DOCK10: variants seen among roughly 807,000 people sequenced by gnomAD.
The protein encoded by DOCK10 is dedicator of cytokinesis protein 10.
In DOCK10, 145 loss-of-function variants were observed where a neutral mutation model predicts 280.1. The observed-to-expected ratio is 0.52, with a 90% confidence interval of 0.45 to 0.59. The LOEUF (loss-of-function observed/expected upper bound fraction) is 0.59, where lower values mean the gene tolerates loss of function less well. DOCK10 is among the 20% of genes least tolerant of loss of function. The pLI is 0.00. For missense variants in DOCK10, 2,368 were observed against 2,651.7 expected (o/e 0.89, Z 2.35); for synonymous variants, 915 against 942.2 (o/e 0.97, Z 0.53).
At chr2:225,039,686 T>TTCTCTCTCTCTC (rs5839087) in intron 1 of DOCK10, among the ~76,000 whole-genome samples, 3 of 150,082 alleles carry the variant, frequency 2.0e-5, no homozygotes, top group African/African-American at 7.4e-5. Context: ...GCTTCCTGTC[T>TTCTCTCTCTCTC]TCTCTCTCTC....
chr2:224,801,175 T>A (rs1479401831), intron 40 of DOCK10, among the ~76,000 whole-genome samples: 1 of 151,482 alleles, frequency 6.6e-6, no homozygotes, highest in Non-Finnish European at 1.5e-5. Context: ...TCTCAGTTGA[T>A]TCTCTCCTGG....
At chr2:224,977,575 TA>T (rs565061495) in intron 1 of DOCK10, among the ~76,000 whole-genome samples, 203 of 151,730 alleles carry the variant, frequency 1.3e-3, no homozygotes, top group African/African-American at 4.2e-3. Flanking sequence ...ATAAAGGAAG[TA>T]AAAAAAAATT....
At chr2:224,794,582 A>G (rs1692419228) in intron 45 of DOCK10, among the ~76,000 whole-genome samples, 1 of 152,222 alleles carries the variant, frequency 6.6e-6, no homozygotes, top group Admixed American at 6.5e-5. Context: ...CTCAATTCCC[A>G]GACACCCTTA....
rs750161040 is a variant in DOCK10 at position 224,960,657 on chromosome 2, TA to T, written c.124-28990del. ...CTAACATAATCATCCACCTAAGTGA[TA>T]AAACTGGAAACTTGGTACTCATTTT... On this transcript the variant is annotated intron_variant, in intron 1 of 55. Coordinates refer to ENST00000258390, the MANE Select transcript of DOCK10 (RefSeq NM_014689.3). 6.7e-5 allele frequency among the ~76,000 whole-genome samples: 10 copies of T among 149,220 alleles called. No homozygotes were observed. In the East Asian group the frequency reaches 1.6e-3, roughly 24 times the overall value.
chr2:224,811,864 T>C (rs1234595833), intron 31 of DOCK10, among the ~76,000 whole-genome samples: 2 of 151,942 alleles, frequency 1.3e-5, no homozygotes, highest in African/African-American at 2.4e-5. Flanking sequence ...TTGGTACCAG[T>C]ACCATGCTGT....
At chr2:224,989,090 G>T (rs1706059118) in intron 1 of DOCK10, among the ~76,000 whole-genome samples, 1 of 152,200 alleles carries the variant, frequency 6.6e-6, no homozygotes, top group African/African-American at 2.4e-5. Flanking sequence ...ACTCACTCTT[G>T]AATTCATTGG....
In DOCK10 at chr2:224,853,165, C is replaced by G. The variant is rs1024360566; in HGVS notation, c.1889-43G>C. 3 of 1,473,650 alleles carry G rather than the reference C, an allele frequency of 2.0e-6. No homozygotes were observed. In the East Asian group the frequency reaches 6.8e-5, roughly 34 times the overall value. The allele number at this position is 1,473,650 out of a possible 1,614,324, so 91.3% of individuals were successfully genotyped here. On this transcript the variant is annotated intron_variant, in intron 16 of 55. Coordinates refer to ENST00000258390, the MANE Select transcript of DOCK10 (RefSeq NM_014689.3). ...TAAGAGTTTGTCATTTAATATGGTT[C>G]TTTTAAAGTGAACAATAGTTAACAT...
Position 224,805,003 on chromosome 2 carries a change from G to T in DOCK10, c.4118+55C>A. 1 of 1,454,252 alleles carries T rather than the reference G, an allele frequency of 6.9e-7. No homozygotes were observed. Among genetic ancestry groups the T allele is most frequent in the South Asian group, 1.3e-5 (1 of 77,974 alleles). The allele number at this position is 1,454,252 out of a possible 1,614,324, so 90.1% of individuals were successfully genotyped here. On this transcript the variant is annotated intron_variant, in intron 37 of 55. Transcript: ENST00000258390. This position sits in a 1 kb window ranked among gnomAD's most constrained non-coding sequence, Gnocchi z 4.3. ...TTCTTGAAATGAAACATGGTATAGT[G>T]GACTATTTAGAAATTTCCAGAAAAA...
At chr2:224,827,050 G>T (rs979541066) in intron 27 of DOCK10, among the ~76,000 whole-genome samples, 1 of 151,924 alleles carries the variant, frequency 6.6e-6, no homozygotes, top group Non-Finnish European at 1.5e-5. Context: ...ATCACCTAAG[G>T]TCAGGAGTTG....
intron 1 of DOCK10, among the ~76,000 whole-genome samples, chr2:225,037,905 T>TA (rs781577088): frequency 3.3e-5 from 5 of 152,144 alleles, no homozygotes; most frequent in Non-Finnish European, 7.4e-5. Flanking sequence ...CCTTGAGAAA[T>TA]AAAAAACATT....
At chr2:224,826,533 G>GA (rs112128765) in intron 27 of DOCK10, among the ~76,000 whole-genome samples, 12,864 of 147,524 alleles carry the variant, frequency 0.087, 702 homozygotes, top group African/African-American at 0.15. Flanking sequence ...AATTTAAAAA[G>GA]AAAAAAAAAA....
intron 47 of DOCK10, among the ~76,000 whole-genome samples, chr2:224,790,061 G>T (rs1221400867): frequency 6.6e-6 from 1 of 152,176 alleles, no homozygotes; most frequent in African/African-American, 2.4e-5. Flanking sequence ...GATTACAGGC[G>T]TGAGCCACTG....
At chr2:224,958,091 A>G (rs1214272261) in intron 1 of DOCK10, among the ~76,000 whole-genome samples, 1 of 152,240 alleles carries the variant, frequency 6.6e-6, no homozygotes, top group South Asian at 2.1e-4. Flanking sequence ...TATCTGCAAA[A>G]TAAAGATAAC....
chr2:225,018,487 CATATATATATAATATATATGTAATATT>C (rs1559965652), intron 1 of DOCK10, among the ~76,000 whole-genome samples: 3 of 136,686 alleles, frequency 2.2e-5, no homozygotes, highest in African/African-American at 8.7e-5. Flanking sequence ...ACCATGTAAA[CATATATATATAATATATATGTAATATT>C]ATATATATAT....
At chr2:224,811,063 G>A (rs1174135945) in intron 31 of DOCK10, among the ~76,000 whole-genome samples, 3 of 152,104 alleles carry the variant, frequency 2.0e-5, no homozygotes, top group Non-Finnish European at 2.9e-5. Context: ...TCGCCACACT[G>A]ACTTCCACAA....
intron 1 of DOCK10, among the ~76,000 whole-genome samples, chr2:224,996,865 T>C (rs574343891): frequency 6.6e-5 from 10 of 152,232 alleles, no homozygotes; most frequent in African/African-American, 2.4e-4. Context: ...CTAGCATGTA[T>C]AGGGGTGCAG....
chr2:224,849,740 T>G (rs1696603629), intron 18 of DOCK10, 141 bp from the exon 19 acceptor site: 1 of 624,442 alleles, frequency 1.6e-6, no homozygotes, highest in Non-Finnish European at 2.9e-6. Flanking sequence ...TGGCATCTAA[T>G]TAACCTTGAA....
intron 1 of DOCK10, among the ~76,000 whole-genome samples, chr2:224,977,538 T>C (rs994403952): frequency 2.6e-5 from 4 of 152,184 alleles, no homozygotes; most frequent in Admixed American, 6.5e-5. Flanking sequence ...ATTGAATTAG[T>C]GTCTGAGAAC....
At chr2:224,769,859 G>A (rs1391390702) in intron 55 of DOCK10, among the ~76,000 whole-genome samples, 2 of 152,142 alleles carry the variant, frequency 1.3e-5, no homozygotes, top group Non-Finnish European at 2.9e-5. Flanking sequence ...TGGCCTCAGG[G>A]TTGTGAGGTC....
Sources: allele counts gnomAD v4.1 joint callset (sites outside exome capture counted in the v4.1 genomes callset), GRCh38; gene constraint gnomAD v4.1.1; non-coding constraint Gnocchi (gnomAD v3.1); transcripts MANE v1.5; gene names NCBI Gene and HGNC (gene_info 2026-07-23, HGNC 2026-07-21).